Variants in PUM2 observed in about 807,000 individuals in gnomAD.
PUM2 encodes pumilio homolog 2.
A neutral mutation model predicts 124.5 loss-of-function variants in PUM2; 57 were observed. That is an observed-to-expected ratio of 0.46 (90% confidence interval 0.37 to 0.57). PUM2 has a LOEUF of 0.57. Among genes scored for constraint, PUM2 ranks in the 20% least tolerant of loss-of-function variants. The pLI is 0.00. For missense variants in PUM2, 1,065 were observed against 1,290.6 expected (o/e 0.83, Z 2.68); for synonymous variants, 460 against 446.1 (o/e 1.03, Z -0.39).
At chr2:20,337,145 G>C (rs1686290577) in intron 1 of PUM2, among the ~76,000 whole-genome samples, 1 of 151,808 alleles carries the variant, frequency 6.6e-6, no homozygotes, top group South Asian at 2.1e-4. Flanking sequence ...AGATTACACA[G>C]ACTGTGGTAT....
At chr2:20,331,472 T>C (rs993935408) in intron 1 of PUM2, among the ~76,000 whole-genome samples, 2 of 152,200 alleles carry the variant, frequency 1.3e-5, no homozygotes, top group Admixed American at 6.5e-5. Flanking sequence ...CTTCGGCCAG[T>C]AGCCTTAAAG....
chr2:20,315,144 G>C (rs1368591129), intron 3 of PUM2, among the ~76,000 whole-genome samples: 1 of 148,442 alleles, frequency 6.7e-6, no homozygotes, highest in Non-Finnish European at 1.5e-5. Flanking sequence ...TCAAGTATCT[G>C]CCAGCCTTGA....
intron 13 of PUM2, among the ~76,000 whole-genome samples, chr2:20,277,439 A>G (rs1670513578): frequency 6.6e-6 from 1 of 152,134 alleles, no homozygotes; most frequent in Admixed American, 6.6e-5. Flanking sequence ...AATTGGCTGT[A>G]TATGTTCAGT....
intron 1 of PUM2, among the ~76,000 whole-genome samples, chr2:20,344,523 T>C (rs1223906971): frequency 6.6e-6 from 1 of 152,216 alleles, no homozygotes; most frequent in Non-Finnish European, 1.5e-5. Flanking sequence ...GACTTCAATC[T>C]GGTGGGCTTC....
At chr2:20,289,245 G>T (rs951118766) in intron 10 of PUM2, among the ~76,000 whole-genome samples, 2 of 152,134 alleles carry the variant, frequency 1.3e-5, no homozygotes, top group Non-Finnish European at 2.9e-5. Context: ...GCAAACACAT[G>T]CAGGCCAGAG....
At chr2:20,273,248 T>G (rs752959431) in intron 13 of PUM2, among the ~76,000 whole-genome samples, 90 of 152,222 alleles carry the variant, frequency 5.9e-4, no homozygotes, top group Non-Finnish European at 1.1e-3. Flanking sequence ...CTACCAGGCA[T>G]TTAATGCCAA....
intron 13 of PUM2, among the ~76,000 whole-genome samples, chr2:20,269,287 G>A (rs762570634): frequency 4.6e-5 from 7 of 151,958 alleles, no homozygotes; most frequent in African/African-American, 7.3e-5. Context: ...TGCAAGCTCC[G>A]CCTCCCAGGT....
At chr2:20,286,654 C>T (rs1459943385) in intron 10 of PUM2, among the ~76,000 whole-genome samples, 1 of 152,096 alleles carries the variant, frequency 6.6e-6, no homozygotes, top group Non-Finnish European at 1.5e-5. Context: ...TCATTCATAT[C>T]AGCTCCTATT....
chr2:20,264,085 T>C (rs1251473368), intron 13 of PUM2, among the ~76,000 whole-genome samples: 1 of 151,620 alleles, frequency 6.6e-6, no homozygotes, highest in Admixed American at 6.6e-5. Flanking sequence ...ATGCCTGTAA[T>C]CCCAGCACTT....
At chr2:20,348,166 T>TTAA (rs563552054) in intron 1 of PUM2, among the ~76,000 whole-genome samples, 5,383 of 150,076 alleles carry the variant, frequency 0.036, 289 homozygotes, top group African/African-American at 0.12. Flanking sequence ...ATATTAAAAA[T>TTAA]TAATAATAAT....
intron 1 of PUM2, among the ~76,000 whole-genome samples, chr2:20,334,649 CA>C (rs1174719796): frequency 6.6e-6 from 1 of 152,184 alleles, no homozygotes; most frequent in Non-Finnish European, 1.5e-5. Flanking sequence ...TAAGTATTTA[CA>C]TATCTTCATA....
intron 13 of PUM2, among the ~76,000 whole-genome samples, chr2:20,278,339 C>G (rs1170425869): frequency 6.6e-6 from 1 of 151,830 alleles, no homozygotes; most frequent in Non-Finnish European, 1.5e-5. Context: ...CAAGAAAAAA[C>G]ACACCATTAT....
chr2:20,324,129 T>C (rs1321164313), intron 2 of PUM2, among the ~76,000 whole-genome samples: 1 of 152,144 alleles, frequency 6.6e-6, no homozygotes, highest in African/African-American at 2.4e-5. Flanking sequence ...CCTAAGAGCT[T>C]ATATTAAAGC....
chr2:20,344,495 T>C (rs1687835520), intron 1 of PUM2, among the ~76,000 whole-genome samples: 1 of 152,222 alleles, frequency 6.6e-6, no homozygotes, highest in African/African-American at 2.4e-5. Context: ...AATCCTGGAC[T>C]GTCCATATTA....
rs1264785844 is a variant in PUM2, at chr2:20,304,909, A to C, written c.883+3069T>G. On this transcript the variant is annotated intron_variant, in intron 7 of 20. Coordinates refer to ENST00000361078, the MANE Select transcript of PUM2 (RefSeq NM_015317.5). The stretch of plus-strand genomic sequence containing the variant: ...AAAAATGTGATTACTAAATAACTGC[A>C]AATTATATGGTACATATTATACATA... 2.0e-5 allele frequency among the ~76,000 whole-genome samples: 3 copies of C among 152,218 alleles called. No individual in the cohort carries two copies. In the East Asian group the frequency reaches 5.8e-4, roughly 29 times the overall value.
At chr2:20,254,779 C>T in intron 19 of PUM2, 84 bp downstream of exon 19, 1 of 1,375,604 alleles carries the variant, frequency 7.3e-7, no homozygotes, top group Non-Finnish European at 9.9e-7. Flanking sequence ...TTTAATGCTA[C>T]ATGCTACACG....
At chr2:20,276,314 G>A (rs2148803159) in intron 13 of PUM2, among the ~76,000 whole-genome samples, 1 of 145,110 alleles carries the variant, frequency 6.9e-6, no homozygotes, top group African/African-American at 2.6e-5. Context: ...CATTTTCTGT[G>A]AATCTCAAAT....
At chr2:20,256,915 A>G (rs1214874816) in intron 16 of PUM2, among the ~76,000 whole-genome samples, 2 of 151,768 alleles carry the variant, frequency 1.3e-5, no homozygotes, top group Non-Finnish European at 2.9e-5. Context: ...GTGGTGGCGC[A>G]TGTCTGTAAT....
rs114468940 is a variant in PUM2 at position 20,323,106 on chromosome 2, T to C, written c.51+4204A>G. ...ACTATTATGTGGCCTTGGACTAGTT[T>C]TAATTAACCTTTTCTGCGCTTCAGT... On this transcript the variant is annotated intron_variant, in intron 2 of 20. Transcript: ENST00000361078. 6.6e-3 allele frequency among the ~76,000 whole-genome samples: 997 copies of C among 152,192 alleles called. 6 individuals carry two copies. Among genetic ancestry groups the C allele is most frequent in the African/African-American group, 0.022 (921 of 41,522 alleles).
Sources: allele counts gnomAD v4.1 joint callset (sites outside exome capture counted in the v4.1 genomes callset), GRCh38; gene constraint gnomAD v4.1.1; transcripts MANE v1.5; gene names NCBI Gene and HGNC (gene_info 2026-07-23, HGNC 2026-07-21).